Variants in BAZ2A observed in about 807,000 individuals in gnomAD.
BAZ2A encodes the protein bromodomain adjacent to zinc finger domain protein 2A.
BAZ2A carries 34 observed loss-of-function variants against 199.9 expected under a neutral mutation model. That is an observed-to-expected ratio of 0.17 (90% CI 0.13 to 0.23). The LOEUF (loss-of-function observed/expected upper bound fraction) is 0.23, where lower values mean the gene tolerates loss of function less well. BAZ2A is among the 10% of genes least tolerant of loss of function. BAZ2A has a pLI of 1.00. For missense variants in BAZ2A, 2,002 were observed against 2,391.1 expected (o/e 0.84, Z 3.39); for synonymous variants, 857 against 883.9 (o/e 0.97, Z 0.54).
chr12:56,625,832 C>T (rs954245640), intron 1 of BAZ2A, among the ~76,000 whole-genome samples: 4 of 145,392 alleles, frequency 2.8e-5, no homozygotes, highest in African/African-American at 5.2e-5. Context: ...GTCGAGATCG[C>T]GCCACTGCAC....
At chr12:56,599,398 A>G (rs1886183382) in intron 26 of BAZ2A, 40 bp from the exon 27 acceptor site, 2 of 1,579,982 alleles carry the variant, frequency 1.3e-6, no homozygotes, top group African/African-American at 1.3e-5. Context: ...ACAGCTGGAG[A>G]TGCACTGCTT....
intron 19 of BAZ2A, among the ~76,000 whole-genome samples, 172 bp downstream of exon 19, chr12:56,602,541 C>T (rs930853533): frequency 2.0e-5 from 3 of 152,206 alleles, no homozygotes; most frequent in Non-Finnish European, 4.4e-5. Context: ...CAGAATCATA[C>T]AGCTGGAAAT....
intron 7 of BAZ2A, among the ~76,000 whole-genome samples, 199 bp from the exon 8 acceptor site, chr12:56,610,716 GGA>G (rs1950533669): frequency 6.6e-6 from 1 of 152,160 alleles, no homozygotes; most frequent in Non-Finnish European, 1.5e-5. Flanking sequence ...AAGGCCCTTA[GGA>G]GAAAAGCACT....
At chr12:56,633,465 C>T (rs572248707), upstream of BAZ2A, among the ~76,000 whole-genome samples, 18 of 152,208 alleles carry the variant, frequency 1.2e-4, no homozygotes, top group South Asian at 4.1e-4. Flanking sequence ...TAGCTAGGGG[C>T]GCAGCTGGAC....
chr12:56,610,657 G>A (rs1950531711), intron 7 of BAZ2A, 140 bp from the exon 8 acceptor site: 2 of 720,040 alleles, frequency 2.8e-6, no homozygotes, highest in East Asian at 2.7e-5. Context: ...AAAGCACCAA[G>A]AGAGATAAGC....
intron 7 of BAZ2A, chr12:56,611,369 T>G: frequency 1.6e-6 from 1 of 607,812 alleles, no homozygotes; most frequent in African/African-American, 1.9e-5. Flanking sequence ...AAAGAATAGG[T>G]GATGGAAGAC....
At chr12:56,619,536 A>G (rs1263879511) in intron 1 of BAZ2A, among the ~76,000 whole-genome samples, 1 of 151,802 alleles carries the variant, frequency 6.6e-6, no homozygotes, top group Admixed American at 6.6e-5. Context: ...AGAAAAGAAA[A>G]GAATATATAT....
intron 16 of BAZ2A, 55 bp downstream of exon 16, chr12:56,604,162 T>G: frequency 6.6e-7 from 1 of 1,517,400 alleles, no homozygotes; most frequent in Non-Finnish European, 9.0e-7. Context: ...CTGGCTATGC[T>G]TCACCCGCCC....
At position 56,628,075 on chromosome 12, in the gene BAZ2A, G is replaced by A. The variant is rs530283133; in HGVS notation, c.-3+2050C>T. Among the ~76,000 whole-genome samples, 7 of 149,900 alleles carry A rather than the reference G, an allele frequency of 4.7e-5. No individual in the cohort carries two copies. The East Asian group carries it at 7.8e-4, about 17-fold the overall frequency. On this transcript the variant is annotated intron_variant, in intron 1 of 28. Transcript: ENST00000549884. The stretch of plus-strand genomic sequence containing the variant: ...CGGGCTCCTGTAATCCCAGCTACTC[G>A]GGAGGCTGAGACAGGCAACTCGCTT...
rs773256703 is a variant in BAZ2A at position 56,600,914 on chromosome 12, G to T, written c.4450+29C>A. The T allele has an allele frequency of 6.8e-6, 11 of 1,612,686 alleles. No homozygotes were observed. The South Asian group carries it at 1.1e-4, about 16-fold the overall frequency. On this transcript the variant is annotated intron_variant, in intron 22 of 28. Coordinates refer to ENST00000549884, the MANE Select transcript of BAZ2A (RefSeq NM_001300905.2). ...CTCAATGCTTATCCTGGGCTCTTCA[G>T]CTCAAGCTGGGTGTAGGAATGTATT...
At chr12:56,621,619 G>A (rs750898921) in intron 1 of BAZ2A, among the ~76,000 whole-genome samples, 37 of 151,966 alleles carry the variant, frequency 2.4e-4, no homozygotes, top group Non-Finnish European at 4.9e-4. Flanking sequence ...TGGTGAGGAT[G>A]AAATGAGAAA....
Position 56,597,639 on chromosome 12 carries a change from C to CACAT in BAZ2A, c.*978_*979insATGT, listed in dbSNP as rs1885967885. 1 of 86,096 alleles carries CACAT rather than the reference C, an allele frequency of 1.2e-5. No homozygotes were observed. The highest frequency in any genetic ancestry group is 4.1e-5 in the African/African-American group (1 of 24,308). 5.3% of individuals were successfully genotyped at this position (86,096 alleles called of 1,614,324 possible). On this transcript the variant is annotated 3_prime_UTR_variant, in exon 29 of 29. Coordinates refer to ENST00000549884, the MANE Select transcript of BAZ2A (RefSeq NM_001300905.2). Reference sequence around the variant, plus strand: ...CACACACAGCGCGCTCTGAGGCCGACACACACACACACACACACACACACA... The same window carrying CACAT: ...CACACACAGCGCGCTCTGAGGCCGACACATACACACACACACACACACACACACA...
rs748080833 is a variant in BAZ2A at position 56,615,144 on chromosome 12, G to A, written c.600C>T (p.Thr200=). ...TGCCTACCTCCTGGGAGGGTGCAAAGGTTTGAATGCTAGATCCCAACATAG... is the reference window on the plus strand; with the variant it reads ...TGCCTACCTCCTGGGAGGGTGCAAAAGTTTGAATGCTAGATCCCAACATAG... The part of the protein sequence containing the change: ...TSPMLGSSIQ[T]FAPSQEVGSG... The change falls in exon 3 of 29, where the codon ACC becomes ACT. Residue 200 remains threonine, a synonymous_variant. Transcript: ENST00000549884. 2 of 1,613,730 alleles carry A rather than the reference G, an allele frequency of 1.2e-6. No individual in the cohort carries two copies. The highest frequency in any genetic ancestry group is 3.3e-5 in the Admixed American group (2 of 59,974).
rs527322573 is a variant in BAZ2A at position 56,602,297 on chromosome 12, C to T, written c.3425-105G>A. The stretch of plus-strand genomic sequence containing the variant: ...ACTTTCTTTTTCTCTTGGACTTAGT[C>T]CCCCTTTTTTGAGATTCCACTGGGA... On this transcript the variant is annotated intron_variant, in intron 19 of 28. Transcript: ENST00000549884. 1.1e-4 allele frequency: 114 copies of T among 1,058,824 alleles called. 3 individuals carry two copies. In the South Asian group the frequency reaches 1.8e-3, roughly 17 times the overall value. The allele number at this position is 1,058,824 out of a possible 1,614,324, so 65.6% of individuals were successfully genotyped here.
rs1472256691 is a variant in BAZ2A at position 56,598,270 on chromosome 12, A to T, written c.*348T>A. Reference sequence around the variant, plus strand: ...ATAACCCCAGAATGCTGGGGCACGTACAGGGGAGGAGAGGAAGCAGGGAGG... The same window carrying T: ...ATAACCCCAGAATGCTGGGGCACGTTCAGGGGAGGAGAGGAAGCAGGGAGG... On this transcript the variant is annotated 3_prime_UTR_variant, in exon 29 of 29. Coordinates refer to ENST00000549884, the MANE Select transcript of BAZ2A (RefSeq NM_001300905.2). 1.1e-5 allele frequency: 3 copies of T among 270,256 alleles called. No homozygotes were observed. Among genetic ancestry groups the T allele is most frequent in the Non-Finnish European group, 2.2e-5 (3 of 138,564 alleles). The allele number at this position is 270,256 out of a possible 1,614,324, so 16.7% of individuals were successfully genotyped here.
intron 1 of BAZ2A, among the ~76,000 whole-genome samples, chr12:56,618,907 T>C (rs1950813857): frequency 6.6e-6 from 1 of 151,590 alleles, no homozygotes; most frequent in Admixed American, 6.6e-5. Context: ...TAAGTACATA[T>C]ATGATGAGGC....
At chr12:56,599,409 G>T in intron 26 of BAZ2A, 51 bp from the exon 27 acceptor site, 2 of 1,551,896 alleles carry the variant, frequency 1.3e-6, no homozygotes, top group South Asian at 1.2e-5. Flanking sequence ...TGCACTGCTT[G>T]CCCTACTACA....
chr12:56,605,213 G>A lies in BAZ2A; in HGVS notation c.2608C>T (p.Pro870Ser). 1.2e-6 allele frequency: 2 copies of A among 1,613,770 alleles called. No individual in the cohort carries two copies. The highest frequency in any genetic ancestry group is 1.6e-4 in the Middle Eastern group (1 of 6,062). Residue 870 changes from proline (P) to serine (S), a missense_variant, in exon 14 of 29, where the codon CCT becomes TCT. Pro to Ser is a moderately conservative substitution (Grantham distance 74). This residue lies in a region of BAZ2A where 1,081 missense variants were observed against 1,274.7 expected (regional missense o/e 0.85). Transcript: ENST00000549884. ...HSFGKVLGFD[P>S]AKDVPSLGVL... ...CCCAGGCTAGGCACATCTTTGGCAGGATCAAAGCCCAGCACCTTGCCAAAG... is the reference window on the plus strand; with the variant it reads ...CCCAGGCTAGGCACATCTTTGGCAGAATCAAAGCCCAGCACCTTGCCAAAG...
chr12:56,602,137 CGCATGGGCT>C lies in BAZ2A; in HGVS notation c.3471_3479del (p.Ala1158_Ala1160del). The C allele has an allele frequency of 1.9e-6, 3 of 1,593,324 alleles. No homozygotes were observed. The highest frequency in any genetic ancestry group is 2.6e-6 in the Non-Finnish European group (3 of 1,169,686). ...TAGAGAAGAGGGCAGGGTTGAGTGACGCATGGGCTGCCACTTTTAAGGAGTCAGTTTCCT... is the reference window on the plus strand; with the variant it reads ...TAGAGAAGAGGGCAGGGTTGAGTGACGCCACTTTTAAGGAGTCAGTTTCCT... On this transcript the variant is annotated inframe_deletion, in exon 20 of 29. Coordinates refer to ENST00000549884, the MANE Select transcript of BAZ2A (RefSeq NM_001300905.2).
Sources: allele counts gnomAD v4.1 joint callset (sites outside exome capture counted in the v4.1 genomes callset), GRCh38; gene constraint gnomAD v4.1.1; regional missense constraint gnomAD v4.1.1; transcripts MANE v1.5; gene names NCBI Gene and HGNC (gene_info 2026-07-23, HGNC 2026-07-21).